CACNB2: variants seen among roughly 807,000 people sequenced by gnomAD.
The protein encoded by CACNB2 is voltage-dependent L-type calcium channel subunit beta-2.
CACNB2 carries 42 observed loss-of-function variants against 73.3 expected under a neutral mutation model. That is an observed-to-expected ratio of 0.57 (90% confidence interval 0.45 to 0.74). CACNB2 has a LOEUF of 0.74. Ranked by LOEUF, CACNB2 falls within the 30% of genes least tolerant of loss-of-function variation. The pLI, the probability that CACNB2 is intolerant of heterozygous loss-of-function variation, is 0.00. For synonymous variants in CACNB2, 348 were observed against 310.3 expected (o/e 1.12, Z -1.28); for missense variants, 940 against 853.0 (o/e 1.10, Z -1.27).
chr10:18,373,170 T>G (rs2042659052), intron 2 of CACNB2, among the ~76,000 whole-genome samples: 1 of 152,110 alleles, frequency 6.6e-6, no homozygotes, highest in Non-Finnish European at 1.5e-5. Context: ...GTCAGGAGGT[T>G]GTAAAGAAGC....
At chr10:18,368,834 TGAA>T (rs1321755301) in intron 2 of CACNB2, among the ~76,000 whole-genome samples, 2 of 151,998 alleles carry the variant, frequency 1.3e-5, no homozygotes, top group African/African-American at 4.8e-5. Flanking sequence ...TGCTCTATAA[TGAA>T]GAAAAAATAT....
intron 2 of CACNB2, among the ~76,000 whole-genome samples, chr10:18,208,434 G>A (rs1026301827): frequency 6.6e-6 from 1 of 152,066 alleles, no homozygotes; most frequent in Non-Finnish European, 1.5e-5. Flanking sequence ...GCAACATAGT[G>A]AGACCCCATC....
At chr10:18,382,272 T>A (rs2132378135) in intron 2 of CACNB2, among the ~76,000 whole-genome samples, 1 of 152,202 alleles carries the variant, frequency 6.6e-6, no homozygotes, top group East Asian at 1.9e-4. Flanking sequence ...CATAACTCTG[T>A]GAATGTATAT....
At chr10:18,229,076 T>C (rs1336720657) in intron 2 of CACNB2, among the ~76,000 whole-genome samples, 3 of 152,188 alleles carry the variant, frequency 2.0e-5, no homozygotes, top group Non-Finnish European at 2.9e-5. Context: ...CTAAAAAGCA[T>C]TGTTACAGCA....
intron 7 of CACNB2, among the ~76,000 whole-genome samples, chr10:18,516,785 G>A (rs573302234): frequency 6.6e-6 from 1 of 151,826 alleles, no homozygotes; most frequent in African/African-American, 2.4e-5. Context: ...TGTGTGGTAC[G>A]TGTGCTGTCA....
At chr10:18,489,810 C>A (rs1026059609) in intron 3 of CACNB2, among the ~76,000 whole-genome samples, 14 of 152,180 alleles carry the variant, frequency 9.2e-5, no homozygotes, top group African/African-American at 3.1e-4. Flanking sequence ...CTTACACATT[C>A]CCTTCTCAAC....
intron 3 of CACNB2, among the ~76,000 whole-genome samples, chr10:18,444,756 C>A (rs2046650543): frequency 6.6e-6 from 1 of 152,172 alleles, no homozygotes; most frequent in African/African-American, 2.4e-5. Flanking sequence ...GAGAATTCAG[C>A]CAATGCTAGC....
At chr10:18,400,686 T>G in intron 2 of CACNB2, 3 of 1,059,154 alleles carry the variant, frequency 2.8e-6, no homozygotes, top group Non-Finnish European at 3.4e-6. Context: ...TAATTTCTTT[T>G]AACAATTTGA....
At chr10:18,431,578 A>T (rs1309074861) in intron 3 of CACNB2, among the ~76,000 whole-genome samples, 1 of 152,208 alleles carries the variant, frequency 6.6e-6, no homozygotes, top group Non-Finnish European at 1.5e-5. Context: ...TCAAGAGCTG[A>T]TCAGGCTTTT....
intron 11 of CACNB2, among the ~76,000 whole-genome samples, chr10:18,535,340 G>A (rs1479587413): frequency 6.6e-6 from 1 of 152,114 alleles, no homozygotes; most frequent in South Asian, 2.1e-4. Flanking sequence ...GTAGGAGGTT[G>A]GATTTTCTTC....
intron 10 of CACNB2, chr10:18,533,167 C>A (rs1006034407): frequency 6.6e-6 from 1 of 152,158 alleles, no homozygotes; most frequent in Non-Finnish European, 1.5e-5. Context: ...GGAATTCAAC[C>A]TCCACGACTG....
At chr10:18,331,178 G>A (rs930324375) in intron 2 of CACNB2, among the ~76,000 whole-genome samples, 2 of 151,828 alleles carry the variant, frequency 1.3e-5, no homozygotes, top group African/African-American at 4.8e-5. Flanking sequence ...TAGAGACGGG[G>A]TTTCACCATG....
chr10:18,503,374 A>C (rs1442911856), intron 5 of CACNB2, among the ~76,000 whole-genome samples: 3 of 152,168 alleles, frequency 2.0e-5, no homozygotes, highest in African/African-American at 7.2e-5. Context: ...AAGCAGGTGG[A>C]TCGCTTGAGG....
chr10:18,191,191 T>C (rs1268743033), intron 2 of CACNB2, among the ~76,000 whole-genome samples: 1 of 152,214 alleles, frequency 6.6e-6, no homozygotes. Flanking sequence ...ATGTTTCTTT[T>C]CTCCTTTGAC....
At chr10:18,189,033 C>T (rs1465398715) in intron 2 of CACNB2, among the ~76,000 whole-genome samples, 1 of 152,160 alleles carries the variant, frequency 6.6e-6, no homozygotes, top group Non-Finnish European at 1.5e-5. Context: ...GATCATATAG[C>T]TCACTGCAGC....
intron 2 of CACNB2, among the ~76,000 whole-genome samples, chr10:18,160,174 T>TG (rs59292090): frequency 0.27 from 40,510 of 151,890 alleles, 5,450 homozygotes; most frequent in East Asian, 0.36. Context: ...AACATAATTT[T>TG]GGGGAGAACA....
intron 3 of CACNB2, among the ~76,000 whole-genome samples, chr10:18,466,216 C>T (rs2047875104): frequency 1.3e-5 from 2 of 152,172 alleles, no homozygotes; most frequent in Admixed American, 1.3e-4. Context: ...AGCTGGAGTT[C>T]GTCTTTTGCC....
chr10:18,173,993 A>C (rs2033419027), intron 2 of CACNB2, among the ~76,000 whole-genome samples: 1 of 152,350 alleles, frequency 6.6e-6, no homozygotes, highest in East Asian at 1.9e-4. Flanking sequence ...AACTCTAGTA[A>C]CAAAAACTTA....
At chr10:18,382,452 C>T (rs901425160) in intron 2 of CACNB2, among the ~76,000 whole-genome samples, 1 of 151,974 alleles carries the variant, frequency 6.6e-6, no homozygotes, top group African/African-American at 2.4e-5. Context: ...TAAATGTGTG[C>T]CATGGTGGTT....
Sources: gnomAD v4.1 joint callset for allele counts (sites outside exome capture counted in the v4.1 genomes callset) on GRCh38, gnomAD v4.1.1 for gene constraint, MANE v1.5 for transcripts, NCBI Gene and HGNC (gene_info 2026-07-23, HGNC 2026-07-21) for gene names.